Variants in CCSER1 observed in about 807,000 individuals in gnomAD.
CCSER1 encodes the protein serine-rich coiled-coil domain-containing protein 1.
CCSER1 carries 41 observed loss-of-function variants against 82.0 expected under a neutral mutation model. The ratio of observed to expected loss-of-function variants is 0.50; its 90% CI spans 0.39 to 0.65. The LOEUF is 0.65. Among genes scored for constraint, CCSER1 ranks in the 30% least tolerant of loss-of-function variants. CCSER1 has a pLI of 0.00. For synonymous variants in CCSER1, 414 were observed against 383.9 expected, an observed-to-expected ratio of 1.08 and a Z score of -0.92; for missense variants, 1,119 against 1,064.2, an observed-to-expected ratio of 1.05 and a Z score of -0.72.
rs74374850 is a variant in CCSER1, at chr4:90,307,687, T to C, written c.-41-557T>C. ...AGAGAAGAAAAAAAGTCTATAGCCA[T>C]TGGCTTTTCTTTGAGTGCTGATTGT... On this transcript the variant is annotated intron_variant, in intron 1 of 10. Transcript: ENST00000509176. Among the ~76,000 whole-genome samples the C allele has an allele frequency of 3.9e-5, 6 of 152,170 alleles. No homozygotes were observed. The East Asian group carries it at 7.7e-4, about 20-fold the overall frequency.
rs1730228082 is a variant in CCSER1, at chr4:90,932,982, G to GAGAGAAAGAAAGAAAGAGAAAGAAAGAA, written c.2172+9538_2172+9539insGAAAGAAAGAAAGAGAAAGAAAGAAAGA. On this transcript the variant is annotated intron_variant, in intron 9 of 10. Coordinates refer to ENST00000509176, the MANE Select transcript of CCSER1 (RefSeq NM_001145065.2). The stretch of plus-strand genomic sequence containing the variant: ...AGAAAGAAAGAAAGAAAGAAAGAAA[G>GAGAGAAAGAAAGAAAGAGAAAGAAAGAA]AGAAAGAAAGAAAGAAAGAAAGAAA... Among the ~76,000 whole-genome samples the GAGAGAAAGAAAGAAAGAGAAAGAAAGAA allele has an allele frequency of 1.6e-4, 3 of 18,870 alleles. 1 individual carries two copies. The East Asian group carries it at 2.8e-3, about 17-fold the overall frequency. The allele number at this position is 18,870 out of a possible 152,430, so 12.4% of individuals were successfully genotyped here. A position where few individuals can be genotyped will look rare whatever the true frequency, so the allele number is the denominator to read the frequency against.
chr4:90,445,903 C>T (rs1197278127), intron 4 of CCSER1, among the ~76,000 whole-genome samples: 2 of 152,092 alleles, frequency 1.3e-5, no homozygotes, highest in Non-Finnish European at 2.9e-5. Flanking sequence ...ACATATTACT[C>T]AGGATTAGCT....
rs192542932 is a variant in CCSER1 at position 91,462,273 on chromosome 4, C to A, written c.2218-136299C>A. ...AATCCCTTTTTATTCATATTTTATG[C>A]AAATATGTCATTATATTTTGTACGT... On this transcript the variant is annotated intron_variant, in intron 10 of 10. Coordinates refer to ENST00000509176, the MANE Select transcript of CCSER1 (RefSeq NM_001145065.2). Among the ~76,000 whole-genome samples, 249 of 152,214 alleles carry A rather than the reference C, an allele frequency of 1.6e-3. 2 individuals carry two copies. Among genetic ancestry groups the A allele is most frequent in the South Asian group, 6.6e-3 (32 of 4,824 alleles).
intron 7 of CCSER1, among the ~76,000 whole-genome samples, chr4:90,740,073 A>G (rs1300897369): frequency 3.9e-5 from 6 of 152,252 alleles, no homozygotes; most frequent in South Asian, 2.1e-4. Flanking sequence ...ATATCCCTCA[A>G]TGCTATTTTA....
intron 1 of CCSER1, among the ~76,000 whole-genome samples, chr4:90,264,543 C>T (rs1467727733): frequency 2.0e-5 from 3 of 152,126 alleles, no homozygotes; most frequent in African/African-American, 7.2e-5. Context: ...CTGACAAGAA[C>T]ATCCTTCATA....
At chr4:91,246,384 A>G (rs1739775856) in intron 10 of CCSER1, among the ~76,000 whole-genome samples, 1 of 152,200 alleles carries the variant, frequency 6.6e-6, no homozygotes, top group South Asian at 2.1e-4. Flanking sequence ...CAAAAAATTA[A>G]AAAGCGAGAA....
At chr4:91,249,207 G>A (rs1365113546) in intron 10 of CCSER1, among the ~76,000 whole-genome samples, 1 of 152,036 alleles carries the variant, frequency 6.6e-6, no homozygotes, top group African/African-American at 2.4e-5. Context: ...GCTTGATTTG[G>A]TTCACATTTT....
chr4:91,526,250 T>G (rs957009988), intron 10 of CCSER1, among the ~76,000 whole-genome samples: 2 of 152,220 alleles, frequency 1.3e-5, no homozygotes, highest in Admixed American at 6.5e-5. Flanking sequence ...CAAACATTCC[T>G]TTCTGTGGAT....
chr4:91,578,058 T>C (rs1763534255), intron 10 of CCSER1, among the ~76,000 whole-genome samples: 1 of 152,006 alleles, frequency 6.6e-6, no homozygotes. Context: ...CTAATGTGTG[T>C]GAAGCACCCA....
chr4:91,459,648 A>G (rs1033494185), intron 10 of CCSER1, among the ~76,000 whole-genome samples: 2 of 152,140 alleles, frequency 1.3e-5, no homozygotes, highest in African/African-American at 4.8e-5. Flanking sequence ...GGGAAAAAAA[A>G]TGGTGACTTA....
chr4:90,671,433 TA>T (rs1450558751), intron 6 of CCSER1, among the ~76,000 whole-genome samples: 1 of 152,068 alleles, frequency 6.6e-6, no homozygotes, highest in African/African-American at 2.4e-5. Context: ...TCAGCAGAAG[TA>T]GATTTCCTCC....
intron 1 of CCSER1, among the ~76,000 whole-genome samples, chr4:90,243,324 C>G (rs1235662994): frequency 6.6e-6 from 1 of 152,100 alleles, no homozygotes; most frequent in Non-Finnish European, 1.5e-5. Flanking sequence ...TCTAGACTCA[C>G]TGCAACCTCC....
chr4:90,559,809 C>CAAAAAAAAAAAA lies in CCSER1; in HGVS notation c.1725-68201_1725-68190dup, dbSNP rs1236087772. Among the ~76,000 whole-genome samples, 31 of 39,756 alleles carry CAAAAAAAAAAAA rather than the reference C, an allele frequency of 7.8e-4. 7 individuals are homozygous for CAAAAAAAAAAAA. Among genetic ancestry groups the CAAAAAAAAAAAA allele is most frequent in the African/African-American group, 2.8e-3 (31 of 10,948 alleles). 26.1% of individuals were successfully genotyped at this position (39,756 alleles called of 152,430 possible). ...TGGGAGACAGACCGAGACTCCGTCT[C>CAAAAAAAAAAAA]AAAAAAAAAAAAAAAAAAAAAAAAA... is the stretch of plus-strand genomic sequence containing the variant. On this transcript the variant is annotated intron_variant, in intron 5 of 10. Coordinates refer to ENST00000509176, the MANE Select transcript of CCSER1 (RefSeq NM_001145065.2).
At chr4:91,404,675 G>C (rs1452309949) in intron 10 of CCSER1, among the ~76,000 whole-genome samples, 1 of 152,138 alleles carries the variant, frequency 6.6e-6, no homozygotes, top group Admixed American at 6.6e-5. Context: ...TCAGGAGCAG[G>C]TTGTTCAGTT....
intron 1 of CCSER1, among the ~76,000 whole-genome samples, chr4:90,303,621 C>G (rs1733613246): frequency 6.6e-6 from 1 of 151,600 alleles, no homozygotes; most frequent in Admixed American, 6.6e-5. Flanking sequence ...AAACTGGATC[C>G]CTTCCTTACA....
At chr4:91,018,763 T>C (rs1161542386) in intron 9 of CCSER1, among the ~76,000 whole-genome samples, 1 of 151,982 alleles carries the variant, frequency 6.6e-6, no homozygotes, top group Non-Finnish European at 1.5e-5. Flanking sequence ...TCCTAATCTT[T>C]ATTTTCACCT....
chr4:91,098,167 A>C (rs1252507202), intron 10 of CCSER1, among the ~76,000 whole-genome samples: 2 of 152,238 alleles, frequency 1.3e-5, no homozygotes, highest in Non-Finnish European at 1.5e-5. Context: ...ATTTGAATAT[A>C]TAACATCCTA....
At chr4:90,335,145 CA>C (rs1740145727) in intron 3 of CCSER1, among the ~76,000 whole-genome samples, 1 of 152,146 alleles carries the variant, frequency 6.6e-6, no homozygotes, top group South Asian at 2.1e-4. Context: ...TTCTAAAAGA[CA>C]CTGGACATGA....
chr4:91,117,790 A>G (rs1194165142), intron 10 of CCSER1, among the ~76,000 whole-genome samples: 1 of 152,194 alleles, frequency 6.6e-6, no homozygotes, highest in African/African-American at 2.4e-5. Flanking sequence ...GACCATAGAC[A>G]TATTCTTATG....
Sources: allele counts gnomAD v4.1 joint callset (sites outside exome capture counted in the v4.1 genomes callset), GRCh38; gene constraint gnomAD v4.1.1; transcripts MANE v1.5; gene names NCBI Gene and HGNC (gene_info 2026-07-23, HGNC 2026-07-21).